The following XPO4 variants were observed in gnomAD, a reference collection of about 807,000 sequenced individuals.
XPO4 encodes the protein exportin-4.
In XPO4, 39 loss-of-function variants were observed where a neutral mutation model predicts 143.0. That is an observed-to-expected ratio of 0.27 (90% confidence interval 0.21 to 0.36). The LOEUF is 0.36. Ranked by LOEUF, XPO4 falls within the 10% of genes least tolerant of loss-of-function variation. The pLI is 1.00. For synonymous variants in XPO4, 439 were observed against 474.0 expected (o/e 0.93, Z 0.96); for missense variants, 907 against 1,348.0 (o/e 0.67, Z 5.12).
At chr13:20,887,185 G>A (rs998033223) in intron 1 of XPO4, among the ~76,000 whole-genome samples, 2 of 152,104 alleles carry the variant, frequency 1.3e-5, no homozygotes, top group African/African-American at 2.4e-5. Flanking sequence ...CACTCCTTAC[G>A]CCATTTTAAG....
chr13:20,808,992 G>T, intron 11 of XPO4, 91 bp downstream of exon 11: 5 of 1,379,254 alleles, frequency 3.6e-6, no homozygotes, highest in Non-Finnish European at 5.0e-6. Flanking sequence ...CGGGGTGGGG[G>T]TGTTTAAAGT....
chr13:20,858,430 T>TA (rs1271769063), intron 3 of XPO4, among the ~76,000 whole-genome samples: 5 of 151,976 alleles, frequency 3.3e-5, no homozygotes, highest in Non-Finnish European at 2.9e-5. Flanking sequence ...TAGTTAAGGG[T>TA]AAAAAATGTA....
intron 19 of XPO4, among the ~76,000 whole-genome samples, chr13:20,788,999 CAAG>C (rs2059242094): frequency 6.6e-6 from 1 of 152,156 alleles, no homozygotes. Flanking sequence ...TGAAAAAATT[CAAG>C]AAGGTTAATA....
At chr13:20,843,293 A>G (rs909893629) in intron 5 of XPO4, among the ~76,000 whole-genome samples, 1 of 152,230 alleles carries the variant, frequency 6.6e-6, no homozygotes, top group Non-Finnish European at 1.5e-5. Flanking sequence ...GTCTTTGACA[A>G]CTACTGCGGA....
chr13:20,851,236 G>T, intron 4 of XPO4: 5 of 985,320 alleles, frequency 5.1e-6, no homozygotes, highest in Non-Finnish European at 6.0e-6. Context: ...TCAAGCTACT[G>T]GGCAAGGACA....
intron 22 of XPO4, 56 bp from the exon 23 acceptor site, chr13:20,783,975 A>C: frequency 6.4e-7 from 1 of 1,554,140 alleles, no homozygotes; most frequent in Non-Finnish European, 8.9e-7. Flanking sequence ...ATACAAGTAG[A>C]TCTTATCAGT....
rs1166752826 is a variant in XPO4, at chr13:20,783,042, G to A, written c.*680C>T. On this transcript the variant is annotated 3_prime_UTR_variant, in exon 23 of 23. Coordinates refer to ENST00000255305, the MANE Select transcript of XPO4 (RefSeq NM_022459.5). Reference sequence around the variant, plus strand: ...GCAAGCAAGCAAGAAAGCAAGCTAAGAAAAAGCCAACAAACCCCTGGTGAT... The same window carrying A: ...GCAAGCAAGCAAGAAAGCAAGCTAAAAAAAAGCCAACAAACCCCTGGTGAT... The A allele has an allele frequency of 6.6e-6, 1 of 152,286 alleles. No homozygotes were observed. The highest frequency in any genetic ancestry group is 1.5e-5 in the Non-Finnish European group (1 of 68,040). The allele number at this position is 152,286 out of a possible 1,614,324, so 9.4% of individuals were successfully genotyped here.
intron 4 of XPO4, among the ~76,000 whole-genome samples, chr13:20,846,683 A>G (rs933388556): frequency 1.3e-5 from 2 of 152,192 alleles, no homozygotes; most frequent in Non-Finnish European, 2.9e-5. Flanking sequence ...ATCGTAGAAA[A>G]GCACAACGAA....
Position 20,782,437 on chromosome 13 carries a change from C to G in XPO4, c.*1285G>C, listed in dbSNP as rs1448711817. ...GGGAGCCTGGCAGCTGTATAAAAAT[C>G]CTGATTAAGAGATCAAACTAGAGGA... On this transcript the variant is annotated 3_prime_UTR_variant, in exon 23 of 23. Coordinates refer to ENST00000255305, the MANE Select transcript of XPO4 (RefSeq NM_022459.5). The G allele has an allele frequency of 6.6e-6, 1 of 152,536 alleles. No individual in the cohort carries two copies. The highest frequency in any genetic ancestry group is 6.6e-5 in the Admixed American group (1 of 15,266). 9.4% of individuals were successfully genotyped at this position (152,536 alleles called of 1,614,324 possible).
chr13:20,784,059 G>A, intron 22 of XPO4, 140 bp from the exon 23 acceptor site: 1 of 775,974 alleles, frequency 1.3e-6, no homozygotes, highest in Non-Finnish European at 2.1e-6. Flanking sequence ...CAGCATTTAA[G>A]TACTACTGTT....
rs776170237 is a variant in XPO4, at chr13:20,842,905, A to G, written c.717T>C (p.Leu239=). ...TTGTTAAAAGGATATAATTTGGAGGAAGAAAGTTCCAGCTCAAGACTTGAT... is the reference window on the plus strand; with the variant it reads ...TTGTTAAAAGGATATAATTTGGAGGGAGAAAGTTCCAGCTCAAGACTTGAT... ...LANQVLSWNF[L]PPNLGRHYIA... Residue 239 remains leucine (L), a synonymous_variant, in exon 6 of 23, where the codon CTT becomes CTC. Coordinates refer to ENST00000255305, the MANE Select transcript of XPO4 (RefSeq NM_022459.5). 1 of 1,608,886 alleles carries G rather than the reference A, an allele frequency of 6.2e-7. No individual in the cohort carries two copies. The highest frequency in any genetic ancestry group is 8.5e-7 in the Non-Finnish European group (1 of 1,176,746).
chr13:20,807,598 G>A lies in XPO4; in HGVS notation c.1676C>T (p.Pro559Leu), dbSNP rs778200952. ...TTCCATTATTTCTGGAGGTATTAGC[G>A]GAGTCTCTCCCTGAGTATCATCAGC... ...LLADDTQGET[P>L]LIPPEIMEYS... The change falls in exon 13 of 23, where the codon CCG (proline) becomes CTG (leucine). Residue 559 changes from proline to leucine, a missense_variant. Coordinates refer to ENST00000255305, the MANE Select transcript of XPO4 (RefSeq NM_022459.5). 2.5e-5 allele frequency: 40 copies of A among 1,609,970 alleles called. No homozygotes were observed. Among genetic ancestry groups the A allele is most frequent in the South Asian group, 3.3e-5 (3 of 90,160 alleles).
At chr13:20,851,140 C>A (rs1310957413) in intron 4 of XPO4, 2 of 985,246 alleles carry the variant, frequency 2.0e-6, no homozygotes, top group Non-Finnish European at 2.4e-6. Context: ...GAACCACTTA[C>A]AAATTCTTAA....
At chr13:20,851,564 C>T in intron 4 of XPO4, 1 of 550,166 alleles carries the variant, frequency 1.8e-6, no homozygotes, top group Non-Finnish European at 2.3e-6. Flanking sequence ...AAAAAATTAG[C>T]TCAGTGTGGT....
At chr13:20,787,682 ATGAG>A (rs1277382414) in intron 20 of XPO4, 84 bp from the exon 21 acceptor site, 22 of 1,106,586 alleles carry the variant, frequency 2.0e-5, no homozygotes, top group Non-Finnish European at 2.7e-5. Flanking sequence ...TATTAAATGG[ATGAG>A]TGTTTCTAGA....
chr13:20,796,206 A>G lies in XPO4; in HGVS notation c.2667T>C (p.Tyr889=). The change falls in exon 18 of 23, where the codon TAT becomes TAC. Residue 889 remains tyrosine (Y), a synonymous_variant. Transcript: ENST00000255305. ...YEACLTLLQV[Y]SKNNLGRQRI... Reference sequence around the variant, plus strand: ...TTTGCCGCCCTAAATTATTCTTAGAATACACTTGCAACAAAGTAAGGCAGG... The same window carrying G: ...TTTGCCGCCCTAAATTATTCTTAGAGTACACTTGCAACAAAGTAAGGCAGG... The G allele has an allele frequency of 4.3e-6, 7 of 1,613,500 alleles. No individual in the cohort carries two copies. Among genetic ancestry groups the G allele is most frequent in the Non-Finnish European group, 4.2e-6 (5 of 1,179,884 alleles).
At chr13:20,850,858 T>C (rs2060078029) in intron 4 of XPO4, 3 of 985,318 alleles carry the variant, frequency 3.0e-6, no homozygotes, top group South Asian at 4.7e-5. Context: ...TGAAGGTTGA[T>C]GGAAATGTCC....
chr13:20,817,297 C>T (rs1399300382), intron 9 of XPO4, among the ~76,000 whole-genome samples: 1 of 152,226 alleles, frequency 6.6e-6, no homozygotes. Context: ...AATTACCCAA[C>T]AAGCCAGAGA....
rs2059728952 is a variant in XPO4 at position 20,822,182 on chromosome 13, T to C, written c.948A>G (p.Gln316=). 6.2e-7 allele frequency: 1 copy of C among 1,613,930 alleles called. No individual in the cohort carries two copies. The highest frequency in any genetic ancestry group is 1.1e-5 in the South Asian group (1 of 91,068). The part of the protein sequence containing the change: ...HGPIFPDEGS[Q]VDYLAHFIEG... ...CAATGAAGTGTGCTAGATAATCAAC[T>C]TGTGATCCTTCATCTGGGAAGATGG... The change falls in exon 8 of 23, where the codon CAA becomes CAG. Residue 316 remains glutamine, a synonymous_variant. Transcript: ENST00000255305.
Sources: allele counts gnomAD v4.1 joint callset (sites outside exome capture counted in the v4.1 genomes callset), GRCh38; gene constraint gnomAD v4.1.1; transcripts MANE v1.5; gene names NCBI Gene and HGNC (gene_info 2026-07-23, HGNC 2026-07-21).